The following TPP2 variants were observed in gnomAD, a reference collection of about 807,000 sequenced individuals.
TPP2 encodes the protein tripeptidyl-peptidase 2.
A neutral mutation model predicts 155.9 loss-of-function variants in TPP2; 34 were observed. The observed-to-expected ratio is 0.22, with a 90% CI of 0.17 to 0.29. The LOEUF (loss-of-function observed/expected upper bound fraction) is 0.29. TPP2 is among the 10% of genes least tolerant of loss of function. TPP2 has a pLI of 1.00. For synonymous variants in TPP2, 510 were observed against 529.4 expected (o/e 0.96, Z 0.50); for missense variants, 1,028 against 1,522.3 (o/e 0.68, Z 5.40).
intron 27 of TPP2, among the ~76,000 whole-genome samples, chr13:102,673,840 G>T (rs1289624176): frequency 6.6e-6 from 1 of 152,202 alleles, no homozygotes; most frequent in East Asian, 1.9e-4. Flanking sequence ...CACATTCAGA[G>T]TAAAGCATTA....
In TPP2 at chr13:102,602,349, T is replaced by C. The variant is rs941138830; in HGVS notation, c.166-2444T>C. On this transcript the variant is annotated intron_variant, in intron 1 of 29. Coordinates refer to ENST00000376052, the MANE Select transcript of TPP2 (RefSeq NM_001330588.2). ...GTATCTGATTTAAGTTTTATAGTTG[T>C]ATCAGGGTTTGGTATGATTCCCACA... Among the ~76,000 whole-genome samples the C allele has an allele frequency of 2.0e-5, 3 of 152,232 alleles. No homozygotes were observed. In the South Asian group the frequency reaches 6.2e-4, roughly 32 times the overall value.
chr13:102,602,733 G>A (rs899298579), intron 1 of TPP2, among the ~76,000 whole-genome samples: 2 of 152,182 alleles, frequency 1.3e-5, no homozygotes, highest in African/African-American at 4.8e-5. Context: ...GTGTTGGGGT[G>A]AGGGGCATGT....
rs769160157 is a variant in TPP2, at chr13:102,678,326, CA to C, written c.*12del. ...TTATTGCGTATTCTAAAATAGGAAA[CA>C]AGACTTTAAATTTTAAAAAAGGAAG... On this transcript the variant is annotated 3_prime_UTR_variant, in exon 30 of 30. Coordinates refer to ENST00000376052, the MANE Select transcript of TPP2 (RefSeq NM_001330588.2). 2.8e-5 allele frequency: 45 copies of C among 1,601,652 alleles called. No individual in the cohort carries two copies. The African/African-American group carries it at 5.4e-4, about 19-fold the overall frequency.
chr13:102,630,235 G>T, intron 10 of TPP2, 40 bp downstream of exon 10: 1 of 1,501,192 alleles, frequency 6.7e-7, no homozygotes. Flanking sequence ...CGTATATTCG[G>T]TTAAACTTTA....
intron 15 of TPP2, 30 bp downstream of exon 15, chr13:102,638,345 G>T (rs749916604): frequency 6.3e-7 from 1 of 1,592,810 alleles, no homozygotes; most frequent in South Asian, 1.1e-5. Context: ...CAGCTTACTG[G>T]TACATCTAAG....
intron 6 of TPP2, among the ~76,000 whole-genome samples, chr13:102,624,657 T>C (rs532259277): frequency 2.0e-5 from 3 of 152,194 alleles, no homozygotes; most frequent in Non-Finnish European, 4.4e-5. Context: ...ATTAATGTTA[T>C]GATTATAAAG....
chr13:102,601,519 G>A (rs189070218), intron 1 of TPP2, among the ~76,000 whole-genome samples: 1 of 152,268 alleles, frequency 6.6e-6, no homozygotes, highest in Admixed American at 6.5e-5. Context: ...AAAGCTTTGG[G>A]CAATTTCTGT....
At chr13:102,639,729 A>T (rs768835715) in intron 15 of TPP2, among the ~76,000 whole-genome samples, 23 of 152,196 alleles carry the variant, frequency 1.5e-4, no homozygotes, top group Non-Finnish European at 3.2e-4. Context: ...CTAGCATAAA[A>T]TTTGTTTCCG....
At chr13:102,671,701 A>G (rs2139613570) in intron 27 of TPP2, among the ~76,000 whole-genome samples, 1 of 152,238 alleles carries the variant, frequency 6.6e-6, no homozygotes, top group African/African-American at 2.4e-5. Flanking sequence ...CCATAGCTGT[A>G]GCATATTCCT....
At position 102,635,688 on chromosome 13, in the gene TPP2, C is replaced by G. The variant is rs761216414; in HGVS notation, c.1495C>G (p.His499Asp). 1.2e-6 allele frequency: 2 copies of G among 1,612,236 alleles called. No homozygotes were observed. The highest frequency in any genetic ancestry group is 1.7e-6 in the Non-Finnish European group (2 of 1,179,148). Reference sequence around the variant, plus strand: ...CAATATAGAAGTATTTGCTCAAGGACATGGTATTATTCAGGTATTGTTGCC... The same window carrying G: ...CAATATAGAAGTATTTGCTCAAGGAGATGGTATTATTCAGGTATTGTTGCC... ...ADNIEVFAQG[H>D]GIIQVDKAYD... The change falls in exon 12 of 30, where the codon CAT (histidine) becomes GAT (aspartate). Residue 499 changes from histidine to aspartate, a missense_variant. Physicochemically the swap from His to Asp is moderately conservative, Grantham distance 81. Coordinates refer to ENST00000376052, the MANE Select transcript of TPP2 (RefSeq NM_001330588.2).
At chr13:102,597,294 C>T in intron 1 of TPP2, 91 bp downstream of exon 1, 6 of 752,786 alleles carry the variant, frequency 8.0e-6, no homozygotes, top group African/African-American at 1.8e-5. Context: ...AGGCCAAAGC[C>T]CCGCTCTGCG....
chr13:102,639,439 T>C (rs551754491), intron 15 of TPP2, among the ~76,000 whole-genome samples: 1 of 152,298 alleles, frequency 6.6e-6, no homozygotes, highest in African/African-American at 2.4e-5. Flanking sequence ...AGCCGTATAT[T>C]CCCTCGAAGT....
chr13:102,666,863 AAAG>A (rs1884640756), intron 27 of TPP2, among the ~76,000 whole-genome samples: 3 of 150,132 alleles, frequency 2.0e-5, no homozygotes, highest in Admixed American at 1.3e-4. Context: ...TAAAACTAGA[AAAG>A]AAGCCATAAA....
chr13:102,676,163 TA>T, intron 28 of TPP2, 132 bp from the exon 29 acceptor site: 1 of 821,294 alleles, frequency 1.2e-6, no homozygotes, highest in Non-Finnish European at 1.7e-6. Context: ...TCAAAGTTTT[TA>T]AAAATGTACT....
chr13:102,657,232 T>G, intron 25 of TPP2, 25 bp downstream of exon 25: 3 of 1,534,670 alleles, frequency 2.0e-6, no homozygotes, highest in Non-Finnish European at 2.6e-6. Flanking sequence ...GTATTTTAAT[T>G]CTTTAAATGT....
chr13:102,640,139 T>G (rs1351990716), intron 15 of TPP2, 131 bp from the exon 16 acceptor site: 5 of 695,386 alleles, frequency 7.2e-6, no homozygotes, highest in African/African-American at 1.9e-5. Context: ...GTACCTACTG[T>G]TTTGTAACCA....
intron 5 of TPP2, among the ~76,000 whole-genome samples, chr13:102,622,102 A>G (rs893139891): frequency 6.6e-6 from 1 of 152,216 alleles, no homozygotes; most frequent in Admixed American, 6.5e-5. Flanking sequence ...ATGCTTCAGT[A>G]TTTATGATAA....
chr13:102,625,529 G>T (rs983172094), intron 6 of TPP2, among the ~76,000 whole-genome samples: 1 of 152,166 alleles, frequency 6.6e-6, no homozygotes, highest in Non-Finnish European at 1.5e-5. Flanking sequence ...ACCATGGTGT[G>T]TGAGAATTCC....
At chr13:102,598,001 A>G (rs542852436) in intron 1 of TPP2, among the ~76,000 whole-genome samples, 6 of 152,030 alleles carry the variant, frequency 3.9e-5, no homozygotes, top group Non-Finnish European at 8.8e-5. Flanking sequence ...AAACCTGAAA[A>G]CATACGACGG....
Sources: gnomAD v4.1 joint callset for allele counts (sites outside exome capture counted in the v4.1 genomes callset) on GRCh38, gnomAD v4.1.1 for gene constraint, MANE v1.5 for transcripts, NCBI Gene and HGNC (gene_info 2026-07-23, HGNC 2026-07-21) for gene names.